The following FAM20A variants were observed in gnomAD, a reference collection of about 807,000 sequenced individuals.
The protein encoded by FAM20A is FAM20A golgi associated secretory pathway pseudokinase, also known as pseudokinase FAM20A.
Under a neutral mutation model 52.0 loss-of-function variants are expected in FAM20A, and 42 were observed. That is an observed-to-expected ratio of 0.81 (90% CI 0.63 to 1.04). FAM20A has a LOEUF of 1.04. Ranked by LOEUF, FAM20A falls within the 50% of genes least tolerant of loss-of-function variation. The pLI, the probability that FAM20A is intolerant of heterozygous loss-of-function variation, is 0.00. For synonymous variants in FAM20A, 304 were observed against 298.9 expected, an observed-to-expected ratio of 1.02 and a Z score of -0.18; for missense variants, 742 against 712.7, an observed-to-expected ratio of 1.04 and a Z score of -0.47.
In FAM20A at chr17:68,542,710, A is replaced by G; in HGVS notation, c.912T>C (p.Val304=). Residue 304 remains valine (V), a synonymous_variant, in exon 6 of 11, where the codon GTT becomes GTC. Coordinates refer to ENST00000592554, the MANE Select transcript of FAM20A (RefSeq NM_017565.4). ...EVTKNEILQS[V]FFVSPASNVC... is the part of the protein sequence containing the mutation. ...GTACTCTACCTGGAGAGACAAAGAAAACACTCTGCAGGATTTCATTCTTGG... is the reference window on the plus strand; with the variant it reads ...GTACTCTACCTGGAGAGACAAAGAAGACACTCTGCAGGATTTCATTCTTGG... 6.2e-7 allele frequency: 1 copy of G among 1,613,696 alleles called. No homozygotes were observed. The highest frequency in any genetic ancestry group is 8.5e-7 in the Non-Finnish European group (1 of 1,179,652).
intron 10 of FAM20A, among the ~76,000 whole-genome samples, chr17:68,538,908 G>A (rs139291032): frequency 3.3e-5 from 5 of 152,296 alleles, no homozygotes; most frequent in Non-Finnish European, 5.9e-5. Context: ...ATGGGGATAT[G>A]TTCTGAGAAA....
chr17:68,594,398 C>CA (rs201229338), intron 1 of FAM20A, among the ~76,000 whole-genome samples: 10,090 of 125,248 alleles, frequency 0.081, 1,062 homozygotes, highest in African/African-American at 0.26. Context: ...GACTCCGTCT[C>CA]AAAAAAAAAA....
At chr17:68,541,771 A>G (rs972757152) in intron 7 of FAM20A, 42 of 533,270 alleles carry the variant, frequency 7.9e-5, no homozygotes, top group Non-Finnish European at 5.3e-5. Context: ...CATAACACCT[A>G]GTGTTGGGTA....
At position 68,589,471 on chromosome 17, in the gene FAM20A, T is replaced by C. The variant is rs560570061; in HGVS notation, c.404+10792A>G. The stretch of plus-strand genomic sequence containing the variant: ...ACACAGGGCCTAAAAGATACTCTCT[T>C]AGGCTCAAGTGGTAGAAGCATTGTC... On this transcript the variant is annotated intron_variant, in intron 1 of 10. Coordinates refer to ENST00000592554, the MANE Select transcript of FAM20A (RefSeq NM_017565.4). Among the ~76,000 whole-genome samples the C allele has an allele frequency of 2.6e-5, 4 of 152,338 alleles. No individual in the cohort carries two copies. The East Asian group carries it at 7.7e-4, about 29-fold the overall frequency.
intron 1 of FAM20A, among the ~76,000 whole-genome samples, chr17:68,564,202 A>G (rs1456925838): frequency 1.3e-5 from 2 of 152,164 alleles, no homozygotes; most frequent in African/African-American, 4.8e-5. Flanking sequence ...AAGACTGAAG[A>G]TAGGGTACAG....
At chr17:68,551,818 A>C (rs971165796) in intron 4 of FAM20A, 55 bp downstream of exon 4, 40 of 1,367,216 alleles carry the variant, frequency 2.9e-5, no homozygotes, top group Admixed American at 1.2e-4. Context: ...TTTTGGTCCA[A>C]ATCTTCCCAG....
In FAM20A at chr17:68,537,690, G is replaced by A; in HGVS notation, c.1413C>T (p.Tyr471=). 6.2e-7 allele frequency: 1 copy of A among 1,613,636 alleles called. No individual in the cohort carries two copies. Among genetic ancestry groups the A allele is most frequent in the African/African-American group, 1.3e-5 (1 of 75,034 alleles). The change falls in exon 11 of 11, where the codon TAC becomes TAT. Residue 471 remains tyrosine (Y), a synonymous_variant. Transcript: ENST00000592554. The surrounding 1 kb of genome is among the most constrained non-coding windows in gnomAD (Gnocchi z 4.2). The stretch of plus-strand genomic sequence containing the variant: ...ATTCTCGCATCACATCGCTGAGTCT[G>A]TAGTCAGCTTGGGCCAGCAGCTGCA... ...LHLQLLAQAD[Y]RLSDVMRESL...
intron 1 of FAM20A, among the ~76,000 whole-genome samples, chr17:68,582,759 T>C (rs957321537): frequency 2.1e-4 from 32 of 151,216 alleles, no homozygotes; most frequent in Non-Finnish European, 4.7e-4. Flanking sequence ...GCATAGCGCT[T>C]ATGTGGAAGA....
rs1475524033 is a variant in FAM20A, at chr17:68,554,806, G to C, written c.611C>G (p.Ala204Gly). 1.2e-6 allele frequency: 2 copies of C among 1,614,050 alleles called. No homozygotes were observed. Among genetic ancestry groups the C allele is most frequent in the South Asian group, 1.1e-5 (1 of 91,070 alleles). The part of the protein sequence containing the change: ...ISADYSQDEK[A>G]LLGACDCTQI... ...GGTGCAGTCACATGCCCCCAGCAAG[G>C]CTTTCTCATCTTGACTGTAATCTGC... Residue 204 changes from alanine (A) to glycine (G), a missense_variant, in exon 3 of 11, where the codon GCC becomes GGC. Physicochemically the swap from Ala to Gly is moderately conservative, Grantham distance 60. Coordinates refer to ENST00000592554, the MANE Select transcript of FAM20A (RefSeq NM_017565.4).
chr17:68,581,497 TTTC>T (rs201932015), intron 1 of FAM20A, among the ~76,000 whole-genome samples: 4 of 131,492 alleles, frequency 3.0e-5, no homozygotes, highest in Non-Finnish European at 5.2e-5. Flanking sequence ...TTTTTCTTTC[TTTC>T]TTCTTTCTCT....
At chr17:68,540,816 A>G in intron 8 of FAM20A, 33 bp downstream of exon 8, 4 of 1,569,230 alleles carry the variant, frequency 2.5e-6, no homozygotes, top group Non-Finnish European at 3.5e-6. Context: ...AGCAGAGCCC[A>G]CTTCTGCTGG....
intron 1 of FAM20A, among the ~76,000 whole-genome samples, chr17:68,593,060 C>G (rs1003346723): frequency 2.0e-5 from 3 of 152,194 alleles, no homozygotes; most frequent in Non-Finnish European, 4.4e-5. Flanking sequence ...AGTGACAGGG[C>G]ACAAAAAGAG....
chr17:68,587,506 G>A (rs2088194414), intron 1 of FAM20A, among the ~76,000 whole-genome samples: 1 of 152,174 alleles, frequency 6.6e-6, no homozygotes, highest in African/African-American at 2.4e-5. Context: ...AGTGGAGAGT[G>A]GAGAGCTCTC....
intron 7 of FAM20A, chr17:68,541,317 A>C: frequency 3.2e-6 from 1 of 313,720 alleles, no homozygotes; most frequent in Non-Finnish European, 6.2e-6. Context: ...CACTCATAGC[A>C]CCTCCATGGG....
intron 4 of FAM20A, chr17:68,551,403 T>A: frequency 3.2e-6 from 1 of 312,302 alleles, no homozygotes. Context: ...AACTTTTTGA[T>A]GTCAAAAAGA....
At chr17:68,575,516 T>TATATATTATATATTTC (rs2087715298) in intron 1 of FAM20A, among the ~76,000 whole-genome samples, 1 of 111,546 alleles carries the variant, frequency 9.0e-6, no homozygotes, top group Non-Finnish European at 1.7e-5. Flanking sequence ...TTATATATTT[T>TATATATTATATATTTC]ATATATTATA....
At chr17:68,556,867 T>C (rs1860332) in intron 1 of FAM20A, among the ~76,000 whole-genome samples, 25,786 of 151,938 alleles carry the variant, frequency 0.17, 2,214 homozygotes, top group South Asian at 0.18. Flanking sequence ...TAGTATACCT[T>C]GGGTCTGGGG....
chr17:68,548,361 C>G (rs545964234), intron 4 of FAM20A, among the ~76,000 whole-genome samples: 20 of 152,300 alleles, frequency 1.3e-4, no homozygotes, highest in African/African-American at 4.1e-4. Flanking sequence ...GAAACCCCGT[C>G]TCTACTAAAA....
At chr17:68,577,577 C>T (rs1472312947) in intron 1 of FAM20A, among the ~76,000 whole-genome samples, 2 of 152,188 alleles carry the variant, frequency 1.3e-5, no homozygotes, top group African/African-American at 2.4e-5. Context: ...AGAAAATGAT[C>T]TGGCCCCAAA....
Sources: gnomAD v4.1 joint callset for allele counts (sites outside exome capture counted in the v4.1 genomes callset) on GRCh38, gnomAD v4.1.1 for gene constraint, Gnocchi (gnomAD v3.1) non-coding constraint, MANE v1.5 for transcripts, NCBI Gene and HGNC (gene_info 2026-07-23, HGNC 2026-07-21) for gene names.